Variants in UBE2E2 observed in about 807,000 individuals in gnomAD.
UBE2E2 encodes the protein ubiquitin-conjugating enzyme E2 E2.
In UBE2E2, 6 loss-of-function variants were observed where a neutral mutation model predicts 24.7. The ratio of observed to expected loss-of-function variants is 0.24; its 90% confidence interval spans 0.13 to 0.48. The LOEUF is 0.48. Ranked by LOEUF, UBE2E2 falls within the 20% of genes least tolerant of loss-of-function variation. The pLI, the probability that UBE2E2 is intolerant of heterozygous loss-of-function variation, is 0.99. For missense variants in UBE2E2, 169 were observed against 245.0 expected, an observed-to-expected ratio of 0.69 and a Z score of 2.07; for synonymous variants, 104 against 83.6, an observed-to-expected ratio of 1.24 and a Z score of -1.33.
At chr3:23,412,745 AC>A (rs1002376999) in intron 3 of UBE2E2, among the ~76,000 whole-genome samples, 3 of 152,224 alleles carry the variant, frequency 2.0e-5, no homozygotes, top group East Asian at 3.9e-4. Context: ...TGGTTTAAGG[AC>A]CCCAGCATCA....
chr3:23,229,708 C>G (rs555176212), intron 3 of UBE2E2, among the ~76,000 whole-genome samples: 2 of 152,194 alleles, frequency 1.3e-5, no homozygotes, highest in Non-Finnish European at 2.9e-5. Context: ...TGCTCTAGAA[C>G]AGCACTGTCC....
At chr3:23,491,480 C>A (rs1171912193) in intron 3 of UBE2E2, among the ~76,000 whole-genome samples, 1 of 152,134 alleles carries the variant, frequency 6.6e-6, no homozygotes, top group Non-Finnish European at 1.5e-5. Flanking sequence ...AAGGTTGCAG[C>A]CAAGTTAAGA....
intron 3 of UBE2E2, among the ~76,000 whole-genome samples, chr3:23,475,861 C>A (rs1699123007): frequency 6.6e-6 from 1 of 152,026 alleles, no homozygotes; most frequent in Non-Finnish European, 1.5e-5. Flanking sequence ...TGTGCTGTAC[C>A]ATCAAGATTG....
chr3:23,241,193 TC>T (rs1421911723), intron 3 of UBE2E2, among the ~76,000 whole-genome samples: 5 of 152,200 alleles, frequency 3.3e-5, no homozygotes, highest in Non-Finnish European at 7.3e-5. Flanking sequence ...CATTCTGTCA[TC>T]AAATCGTTTT....
At chr3:23,496,105 A>G (rs371048692) in intron 3 of UBE2E2, among the ~76,000 whole-genome samples, 1 of 152,340 alleles carries the variant, frequency 6.6e-6, no homozygotes, top group African/African-American at 2.4e-5. Flanking sequence ...ATATGTATCC[A>G]TAAATAATAT....
chr3:23,528,078 T>G (rs1216227762), intron 4 of UBE2E2, among the ~76,000 whole-genome samples: 1 of 152,106 alleles, frequency 6.6e-6, no homozygotes, highest in Non-Finnish European at 1.5e-5. Flanking sequence ...AACCTGTAGG[T>G]TCTGACTCTA....
At chr3:23,565,306 C>T (rs1696043390) in intron 5 of UBE2E2, among the ~76,000 whole-genome samples, 1 of 152,006 alleles carries the variant, frequency 6.6e-6, no homozygotes, top group African/African-American at 2.4e-5. Flanking sequence ...CAACCAGATG[C>T]AAGCCGGATT....
chr3:23,561,664 G>T (rs2125505043), intron 5 of UBE2E2, among the ~76,000 whole-genome samples: 1 of 151,578 alleles, frequency 6.6e-6, no homozygotes, highest in Non-Finnish European at 1.5e-5. Flanking sequence ...ACCTTGGGCA[G>T]TGTGGCCATT....
intron 3 of UBE2E2, among the ~76,000 whole-genome samples, chr3:23,380,413 A>T (rs1696639847): frequency 1.3e-5 from 2 of 152,038 alleles, no homozygotes; most frequent in African/African-American, 4.8e-5. Flanking sequence ...TTTTGTAGAG[A>T]CTAGGTTTTG....
intron 5 of UBE2E2, among the ~76,000 whole-genome samples, chr3:23,565,356 G>C (rs1696045082): frequency 6.6e-6 from 1 of 150,888 alleles, no homozygotes; most frequent in Non-Finnish European, 1.5e-5. Context: ...CTTTTAGAGA[G>C]AGGCCCAACT....
chr3:23,501,970 A>G (rs1397531481), intron 4 of UBE2E2, among the ~76,000 whole-genome samples: 3 of 152,212 alleles, frequency 2.0e-5, no homozygotes, highest in Non-Finnish European at 4.4e-5. Context: ...TTTGATAGGT[A>G]TCTGTGGAAA....
chr3:23,310,047 G>C (rs1694328616), intron 3 of UBE2E2, among the ~76,000 whole-genome samples: 1 of 152,168 alleles, frequency 6.6e-6, no homozygotes, highest in South Asian at 2.1e-4. Flanking sequence ...AAATCACTAA[G>C]ACGGGCCCAT....
intron 3 of UBE2E2, among the ~76,000 whole-genome samples, chr3:23,463,770 T>G (rs760280078): frequency 6.6e-6 from 1 of 152,162 alleles, no homozygotes; most frequent in Non-Finnish European, 1.5e-5. Flanking sequence ...ATGTTTGAGA[T>G]TGAGCCCATT....
chr3:23,272,785 A>G (rs576839495), intron 3 of UBE2E2, among the ~76,000 whole-genome samples: 2 of 152,292 alleles, frequency 1.3e-5, no homozygotes, highest in African/African-American at 4.8e-5. Context: ...GTGGCGTAGT[A>G]GTTTCTGTCC....
intron 3 of UBE2E2, among the ~76,000 whole-genome samples, chr3:23,282,019 A>C (rs983384738): frequency 6.6e-6 from 1 of 152,224 alleles, no homozygotes; most frequent in African/African-American, 2.4e-5. Context: ...TTGCAAATGA[A>C]ACTTGGCTTT....
intron 5 of UBE2E2, among the ~76,000 whole-genome samples, chr3:23,564,251 T>TA (rs1197864543): frequency 6.6e-6 from 1 of 152,176 alleles, no homozygotes; most frequent in Non-Finnish European, 1.5e-5. Context: ...GCTCTGGACA[T>TA]ATGCATGATC....
rs58820253 is a variant in UBE2E2 at position 23,249,271 on chromosome 3, C to CAA, written c.227+31972_227+31973dup. On this transcript the variant is annotated intron_variant, in intron 3 of 5. Transcript: ENST00000396703. ...TGGGCAACAGAGCAAGACCCTGTCTCAAAAAAAAAAAAAAGAACCTAATTC... is the reference window on the plus strand; with the variant it reads ...TGGGCAACAGAGCAAGACCCTGTCTCAAAAAAAAAAAAAAAAGAACCTAATTC... 5.2e-3 allele frequency among the ~76,000 whole-genome samples: 712 copies of CAA among 137,604 alleles called. 5 individuals are homozygous for CAA. The highest frequency in any genetic ancestry group is 0.032 in the East Asian group (151 of 4,652). 90.3% of individuals were successfully genotyped at this position (137,604 alleles called of 152,430 possible).
chr3:23,365,772 C>T (rs924139708), intron 3 of UBE2E2, among the ~76,000 whole-genome samples: 5 of 152,018 alleles, frequency 3.3e-5, no homozygotes, highest in African/African-American at 9.7e-5. Context: ...TTTTTAAATT[C>T]GTATGGAACC....
intron 3 of UBE2E2, among the ~76,000 whole-genome samples, chr3:23,430,516 T>G (rs1480017224): frequency 6.6e-6 from 1 of 151,072 alleles, no homozygotes; most frequent in Non-Finnish European, 1.5e-5. Flanking sequence ...TTGTGTGGCG[T>G]TTTTTTTGTT....
Sources: gnomAD v4.1 joint callset for allele counts (sites outside exome capture counted in the v4.1 genomes callset) on GRCh38, gnomAD v4.1.1 for gene constraint, MANE v1.5 for transcripts, NCBI Gene and HGNC (gene_info 2026-07-23, HGNC 2026-07-21) for gene names.